The following NEDD9 variants were observed in gnomAD, a reference collection of about 807,000 sequenced individuals.
The protein encoded by NEDD9 is neural precursor cell expressed, developmentally down-regulated 9, also known as enhancer of filamentation 1.
NEDD9 carries 26 observed loss-of-function variants against 76.6 expected under a neutral mutation model. The observed-to-expected ratio is 0.34, with a 90% CI of 0.25 to 0.47. The LOEUF (loss-of-function observed/expected upper bound fraction) is 0.47. Among genes scored for constraint, NEDD9 ranks in the 20% least tolerant of loss-of-function variants. NEDD9 has a pLI of 1.00. For synonymous variants in NEDD9, 392 were observed against 414.2 expected (o/e 0.95, Z 0.65); for missense variants, 937 against 1,058.5 (o/e 0.89, Z 1.59).
chr6:11,292,476 C>A (rs1011581320), intron 3 of NEDD9, among the ~76,000 whole-genome samples: 1 of 152,136 alleles, frequency 6.6e-6, no homozygotes, highest in African/African-American at 2.4e-5. Context: ...AAAGTTAAAC[C>A]TCCATCCAGA....
At chr6:11,284,111 A>G (rs1760594937) in intron 3 of NEDD9, among the ~76,000 whole-genome samples, 1 of 152,170 alleles carries the variant, frequency 6.6e-6, no homozygotes, top group Non-Finnish European at 1.5e-5. Flanking sequence ...TAGGCCAGAG[A>G]GAGATTAAGG....
intron 2 of NEDD9, among the ~76,000 whole-genome samples, chr6:11,323,048 C>G (rs1457199805): frequency 6.6e-6 from 1 of 152,062 alleles, no homozygotes; most frequent in African/African-American, 2.4e-5. Context: ...ATTTTTTTCT[C>G]TTTGAAGATT....
chr6:11,305,086 A>G, intron 3 of NEDD9: 1 of 1,287,582 alleles, frequency 7.8e-7, no homozygotes, highest in Non-Finnish European at 1.0e-6. Context: ...TTGCCCAGAA[A>G]GGAGATTGGG....
At chr6:11,324,820 C>T (rs1386696584) in intron 2 of NEDD9, among the ~76,000 whole-genome samples, 1 of 152,176 alleles carries the variant, frequency 6.6e-6, no homozygotes, top group Non-Finnish European at 1.5e-5. Context: ...AGAGGCCACA[C>T]TTTCCATTTG....
intron 1 of NEDD9, among the ~76,000 whole-genome samples, chr6:11,355,420 A>G (rs1328318531): frequency 2.6e-5 from 4 of 152,232 alleles, no homozygotes; most frequent in Non-Finnish European, 5.9e-5. Flanking sequence ...AGCAACAACA[A>G]CAACAATAAT....
chr6:11,348,173 C>T (rs751030518), intron 1 of NEDD9, among the ~76,000 whole-genome samples: 2 of 152,134 alleles, frequency 1.3e-5, no homozygotes, highest in Non-Finnish European at 2.9e-5. Context: ...AACACAATCC[C>T]ATTAACAACT....
intron 1 of NEDD9, among the ~76,000 whole-genome samples, chr6:11,362,287 A>G (rs1261871342): frequency 2.6e-5 from 4 of 152,232 alleles, no homozygotes; most frequent in Admixed American, 2.0e-4. Context: ...CAGAACTGTA[A>G]GAAATAAACA....
At chr6:11,376,818 G>C (rs972177930) in intron 1 of NEDD9, among the ~76,000 whole-genome samples, 14 of 152,186 alleles carry the variant, frequency 9.2e-5, no homozygotes, top group Non-Finnish European at 1.9e-4. Flanking sequence ...CCCTCCAAAG[G>C]CATTTCAAAA....
At chr6:11,347,334 C>T (rs578057195) in intron 1 of NEDD9, among the ~76,000 whole-genome samples, 2 of 152,162 alleles carry the variant, frequency 1.3e-5, no homozygotes, top group African/African-American at 4.8e-5. Context: ...GGATTCACAA[C>T]CAAATTCTAC....
intron 2 of NEDD9, among the ~76,000 whole-genome samples, chr6:11,325,671 C>A (rs1017762878): frequency 7.2e-5 from 11 of 152,072 alleles, no homozygotes; most frequent in African/African-American, 2.7e-4. Flanking sequence ...AGAAAAAAAG[C>A]GGCTTTTATT....
chr6:11,357,666 C>T (rs1045753214), intron 1 of NEDD9, among the ~76,000 whole-genome samples: 3 of 152,156 alleles, frequency 2.0e-5, no homozygotes, highest in Non-Finnish European at 2.9e-5. Flanking sequence ...TCTTTTCAGG[C>T]GCTTGCTTCG....
chr6:11,193,603 A>G lies in NEDD9; in HGVS notation c.549T>C (p.His183=), dbSNP rs768733614. The part of the protein sequence containing the change: ...QKDVYDIPPS[H]TTQGVYDIPP... Reference sequence around the variant, plus strand: ...TTCTGGTACGCACCCCTTGAGTGGTATGAGAAGGAGGGATATCATAGACGT... The same window carrying G: ...TTCTGGTACGCACCCCTTGAGTGGTGTGAGAAGGAGGGATATCATAGACGT... The change falls in exon 3 of 7, where the codon CAT becomes CAC. Residue 183 remains histidine (H), a synonymous_variant. Transcript: ENST00000379446. 1.9e-5 allele frequency: 30 copies of G among 1,612,434 alleles called. No homozygotes were observed. Among genetic ancestry groups the G allele is most frequent in the Non-Finnish European group, 2.5e-5 (29 of 1,178,568 alleles).
intron 6 of NEDD9, 100 bp from the exon 7 acceptor site, chr6:11,185,771 A>G (rs2113707538): frequency 2.2e-6 from 3 of 1,379,810 alleles, no homozygotes; most frequent in Middle Eastern, 2.5e-4. Flanking sequence ...TTTAGTCGCT[A>G]GTAACTGTCA....
chr6:11,221,424 A>T (rs1759143958), intron 1 of NEDD9, among the ~76,000 whole-genome samples: 1 of 151,892 alleles, frequency 6.6e-6, no homozygotes. Context: ...AAGAAGGGGG[A>T]AGAACACCTA....
intron 2 of NEDD9, among the ~76,000 whole-genome samples, chr6:11,309,196 T>C (rs1336801331): frequency 2.0e-5 from 3 of 152,230 alleles, no homozygotes; most frequent in Admixed American, 2.0e-4. Flanking sequence ...CCACTCAGCA[T>C]TAGGTTTGAG....
chr6:11,228,536 A>G (rs972790476), intron 1 of NEDD9, among the ~76,000 whole-genome samples: 16 of 132,678 alleles, frequency 1.2e-4, no homozygotes, highest in Admixed American at 1.2e-3. Flanking sequence ...TCTCAAAAAA[A>G]GAAAAAAAGA....
At chr6:11,372,909 AT>A (rs1034064034) in intron 1 of NEDD9, among the ~76,000 whole-genome samples, 10 of 152,024 alleles carry the variant, frequency 6.6e-5, no homozygotes, top group African/African-American at 2.4e-4. Flanking sequence ...ACTCCAATTC[AT>A]TTTTTTTAAA....
chr6:11,314,192 T>C (rs1294051288), intron 2 of NEDD9, among the ~76,000 whole-genome samples: 2 of 152,222 alleles, frequency 1.3e-5, no homozygotes, highest in Non-Finnish European at 2.9e-5. Context: ...GCAAGCACTC[T>C]ACATAAACAG....
intron 1 of NEDD9, among the ~76,000 whole-genome samples, chr6:11,342,223 G>A (rs559816098): frequency 5.3e-5 from 8 of 151,930 alleles, no homozygotes; most frequent in African/African-American, 9.7e-5. Flanking sequence ...TCTAACTTAC[G>A]TCTATTTGGT....
Sources: gnomAD v4.1 joint callset for allele counts (sites outside exome capture counted in the v4.1 genomes callset) on GRCh38, gnomAD v4.1.1 for gene constraint, MANE v1.5 for transcripts, NCBI Gene and HGNC (gene_info 2026-07-23, HGNC 2026-07-21) for gene names.